Variants in SLC43A3 observed in about 807,000 individuals in gnomAD.
SLC43A3 encodes the protein equilibrative nucleobase transporter 1.
SLC43A3 carries 33 observed loss-of-function variants against 53.3 expected under a neutral mutation model. The observed-to-expected ratio is 0.62, with a 90% CI of 0.47 to 0.83. The LOEUF (loss-of-function observed/expected upper bound fraction) is 0.83. Ranked by LOEUF, SLC43A3 falls within the 40% of genes least tolerant of loss-of-function variation. The pLI is 0.00. For synonymous variants in SLC43A3, 236 were observed against 246.2 expected (o/e 0.96, Z 0.39); for missense variants, 530 against 610.0 (o/e 0.87, Z 1.38).
Position 57,412,746 on chromosome 11 carries a change from C to T in SLC43A3, c.1060+1869G>A, listed in dbSNP as rs977042003. On this transcript the variant is annotated intron_variant, in intron 11 of 13. Coordinates refer to ENST00000395124, the MANE Select transcript of SLC43A3 (RefSeq NM_199329.3). ...TCGCTTGAACCTGGGAGGCGGAGGT[C>T]GCAGTAGGCTGAGATTACGCCACTG... Among the ~76,000 whole-genome samples the T allele has an allele frequency of 4.0e-5, 6 of 151,016 alleles. No homozygotes were observed. The South Asian group carries it at 6.3e-4, about 16-fold the overall frequency.
intron 13 of SLC43A3, 171 bp from the exon 14 acceptor site, chr11:57,408,067 A>C: frequency 3.5e-6 from 2 of 572,864 alleles, no homozygotes; most frequent in Non-Finnish European, 6.3e-6. Flanking sequence ...AAGGACTTTC[A>C]GTTACTTTTC....
chr11:57,416,561 A>G lies in SLC43A3; in HGVS notation c.769+12T>C. 1 of 1,608,162 alleles carries G rather than the reference A, an allele frequency of 6.2e-7. No individual in the cohort carries two copies. The highest frequency in any genetic ancestry group is 8.5e-7 in the Non-Finnish European group (1 of 1,174,772). On this transcript the variant is annotated intron_variant, in intron 9 of 13. Transcript: ENST00000395124. ...GGTCTGGAGGAGAGATGGGTTAGCC[A>G]GCAGGGCTCACCTTCCTTCGCTGAA...
intron 10 of SLC43A3, 63 bp downstream of exon 10, chr11:57,414,870 T>C: frequency 1.9e-6 from 3 of 1,590,518 alleles, no homozygotes; most frequent in Non-Finnish European, 2.6e-6. Flanking sequence ...ACAGCCCTGC[T>C]GGGAGGCTCT....
At chr11:57,414,002 GC>G (rs927151143) in intron 11 of SLC43A3, among the ~76,000 whole-genome samples, 1 of 152,098 alleles carries the variant, frequency 6.6e-6, no homozygotes. Flanking sequence ...GCTTCTTTGT[GC>G]CCCCCATGGC....
At chr11:57,424,135 C>T in intron 4 of SLC43A3, 107 bp from the exon 5 acceptor site, 2 of 1,130,404 alleles carry the variant, frequency 1.8e-6, no homozygotes, top group Non-Finnish European at 2.6e-6. Flanking sequence ...TTGACCGCAC[C>T]CTCAGCCTGG....
rs1200612158 is a variant in SLC43A3 at position 57,421,281 on chromosome 11, T to A, written c.438+16A>T. The A allele has an allele frequency of 1.2e-6, 2 of 1,603,140 alleles. No individual in the cohort carries two copies. The highest frequency in any genetic ancestry group is 1.7e-6 in the Non-Finnish European group (2 of 1,170,530). ...CGCCACCCTGCCGAGTGCCTGGGAT[T>A]AGGGAAGGCTCCCACCTGCAGGTTG... On this transcript the variant is annotated intron_variant, in intron 6 of 13. Coordinates refer to ENST00000395124, the MANE Select transcript of SLC43A3 (RefSeq NM_199329.3).
chr11:57,421,385 A>G lies in SLC43A3; in HGVS notation c.362-12T>C, dbSNP rs189022908. ...CAGCACGGCTGAGCCTGGACCATCAAAGTCAGAGGTAGGGTGGTGTCATAG... is the reference window on the plus strand; with the variant it reads ...CAGCACGGCTGAGCCTGGACCATCAGAGTCAGAGGTAGGGTGGTGTCATAG... On this transcript the variant is annotated splice_polypyrimidine_tract_variant and intron_variant, in intron 5 of 13. Coordinates refer to ENST00000395124, the MANE Select transcript of SLC43A3 (RefSeq NM_199329.3). 195 of 1,611,054 alleles carry G rather than the reference A, an allele frequency of 1.2e-4. No homozygotes were observed. In the African/African-American group the frequency reaches 2.4e-3, roughly 20 times the overall value.
intron 12 of SLC43A3, 93 bp downstream of exon 12, chr11:57,409,842 C>A (rs1942370511): frequency 7.8e-7 from 1 of 1,282,644 alleles, no homozygotes; most frequent in Non-Finnish European, 1.1e-6. Flanking sequence ...CTGACTGCCT[C>A]CAGGCCCCGC....
chr11:57,410,813 G>A (rs1197125614), intron 11 of SLC43A3, among the ~76,000 whole-genome samples: 1 of 152,142 alleles, frequency 6.6e-6, no homozygotes, highest in African/African-American at 2.4e-5. Context: ...TGAATCATGG[G>A]GGCCAGTCTT....
chr11:57,416,942 G>A (rs1942751460), intron 8 of SLC43A3, among the ~76,000 whole-genome samples: 1 of 152,210 alleles, frequency 6.6e-6, no homozygotes. Flanking sequence ...GCAGGCCCAG[G>A]TTCAAATCCC....
intron 2 of SLC43A3, 70 bp from the exon 3 acceptor site, chr11:57,426,422 T>C (rs1014160663): frequency 7.6e-6 from 4 of 527,740 alleles, no homozygotes; most frequent in Non-Finnish European, 1.4e-5. Flanking sequence ...CTAGAGTTAT[T>C]TGTGAGGTGC....
intron 4 of SLC43A3, among the ~76,000 whole-genome samples, chr11:57,425,049 A>G: frequency 6.6e-6 from 1 of 152,130 alleles, no homozygotes. Flanking sequence ...AATACCAAAG[A>G]AACTTCCTAT....
At chr11:57,425,761 G>A (rs943613069) in intron 3 of SLC43A3, 91 bp from the exon 4 acceptor site, 12 of 1,566,888 alleles carry the variant, frequency 7.7e-6, no homozygotes, top group East Asian at 4.6e-5. Context: ...ACAGCTTGTC[G>A]GTCGCAAACT....
At chr11:57,423,293 T>C (rs2135061340) in intron 5 of SLC43A3, among the ~76,000 whole-genome samples, 1 of 152,364 alleles carries the variant, frequency 6.6e-6, no homozygotes. Context: ...ACAATAGGGT[T>C]GTCAACTTTT....
chr11:57,416,712 A>G (rs757245207), intron 8 of SLC43A3, 42 bp from the exon 9 acceptor site: 2 of 1,487,394 alleles, frequency 1.3e-6, no homozygotes, highest in East Asian at 2.3e-5. Context: ...AAGGACTGTG[A>G]GCCGAACCTG....
intron 11 of SLC43A3, among the ~76,000 whole-genome samples, chr11:57,410,524 A>G (rs929068093): frequency 3.9e-5 from 6 of 152,156 alleles, no homozygotes; most frequent in African/African-American, 1.2e-4. Flanking sequence ...AGTCATCAGT[A>G]CAGGAATGCT....
intron 5 of SLC43A3, among the ~76,000 whole-genome samples, chr11:57,423,040 G>C (rs1943056332): frequency 6.6e-6 from 1 of 152,168 alleles, no homozygotes; most frequent in African/African-American, 2.4e-5. Flanking sequence ...GGAATATTGG[G>C]AGGCATCTCG....
Position 57,409,222 on chromosome 11 carries a change from G to A in SLC43A3, c.1324C>T (p.Pro442Ser), listed in dbSNP as rs1942340377. The A allele has an allele frequency of 6.2e-7, 1 of 1,614,178 alleles. No individual in the cohort carries two copies. The highest frequency in any genetic ancestry group is 2.2e-5 in the East Asian group (1 of 44,884). The part of the protein sequence containing the change: ...LSAVVSLLQF[P>S]IFTLIKGSLQ... ...GAGCCTTTGATGAGGGTGAAGATGG[G>A]GAACTGGAGCAGAGACACCACAGCC... is the stretch of plus-strand genomic sequence containing the variant. Residue 442 changes from proline (P) to serine (S), a missense_variant, in exon 13 of 14, where the codon CCC (proline) becomes TCC (serine). Physicochemically the swap from Pro to Ser is moderately conservative, Grantham distance 74. Around this residue, in one of 3 missense-constraint regions of SLC43A3, gnomAD observed 124 missense variants for 166.4 expected, o/e 0.75. Coordinates refer to ENST00000395124, the MANE Select transcript of SLC43A3 (RefSeq NM_199329.3).
Position 57,407,744 on chromosome 11 carries a change from G to T in SLC43A3, c.*48C>A. 8.4e-7 allele frequency: 1 copy of T among 1,191,416 alleles called. No individual in the cohort carries two copies. Among genetic ancestry groups the T allele is most frequent in the Non-Finnish European group, 1.3e-6 (1 of 798,838 alleles). 73.8% of individuals were successfully genotyped at this position (1,191,416 alleles called of 1,614,324 possible). On this transcript the variant is annotated 3_prime_UTR_variant, in exon 14 of 14. Transcript: ENST00000395124. Reference sequence around the variant, plus strand: ...GGACACGAGGTCCTCAAAGGTGGTGGAAGATGAACAAAACCATCCTCGGGG... The same window carrying T: ...GGACACGAGGTCCTCAAAGGTGGTGTAAGATGAACAAAACCATCCTCGGGG...
Sources: allele counts gnomAD v4.1 joint callset (sites outside exome capture counted in the v4.1 genomes callset), GRCh38; gene constraint gnomAD v4.1.1; regional missense constraint gnomAD v4.1.1; transcripts MANE v1.5; gene names NCBI Gene and HGNC (gene_info 2026-07-23, HGNC 2026-07-21).